Variants in RERG observed in about 807,000 individuals in gnomAD.
The protein encoded by RERG is RAS like estrogen regulated growth inhibitor.
Under a neutral mutation model 23.2 loss-of-function variants are expected in RERG, and 25 were observed. The observed-to-expected ratio is 1.08, with a 90% CI of 0.79 to 1.50. RERG has a LOEUF of 1.50. Ranked by LOEUF, RERG falls within the 40% of genes most tolerant of loss-of-function variation. RERG has a pLI of 0.00. For synonymous variants in RERG, 81 were observed against 89.1 expected, an observed-to-expected ratio of 0.91 and a Z score of 0.51; for missense variants, 253 against 250.1, an observed-to-expected ratio of 1.01 and a Z score of -0.08.
At chr12:15,118,527 T>C (rs915701327) in intron 3 of RERG, among the ~76,000 whole-genome samples, 3 of 152,220 alleles carry the variant, frequency 2.0e-5, no homozygotes, top group Non-Finnish European at 4.4e-5. Context: ...TGATATGGTT[T>C]GGATCTGTGT....
At chr12:15,163,327 C>G (rs1864640980) in intron 2 of RERG, among the ~76,000 whole-genome samples, 3 of 152,168 alleles carry the variant, frequency 2.0e-5, no homozygotes, top group Admixed American at 2.0e-4. Context: ...TTTCCTGGAT[C>G]ATATTTCAAA....
At chr12:15,122,065 T>C (rs1863841977) in intron 2 of RERG, among the ~76,000 whole-genome samples, 1 of 151,972 alleles carries the variant, frequency 6.6e-6, no homozygotes, top group Admixed American at 6.6e-5. Context: ...CACAGGCACT[T>C]AAAAAATGGA....
chr12:15,220,940 C>A (rs915484007), intron 1 of RERG, among the ~76,000 whole-genome samples: 1 of 152,210 alleles, frequency 6.6e-6, no homozygotes, highest in African/African-American at 2.4e-5. Context: ...TTGTGGACTG[C>A]AAGTCACTTG....
chr12:15,181,527 C>T (rs1439122754), intron 2 of RERG, among the ~76,000 whole-genome samples: 1 of 152,208 alleles, frequency 6.6e-6, no homozygotes, highest in East Asian at 1.9e-4. Context: ...TTACTAGTTA[C>T]ATAACCTTGG....
At chr12:15,111,975 C>T (rs1292156958) in intron 3 of RERG, among the ~76,000 whole-genome samples, 1 of 152,128 alleles carries the variant, frequency 6.6e-6, no homozygotes, top group Non-Finnish European at 1.5e-5. Flanking sequence ...CGTGCCTGGC[C>T]CTATCCTTTC....
intron 2 of RERG, among the ~76,000 whole-genome samples, chr12:15,212,864 TTAAAAA>T (rs1474193997): frequency 3.3e-5 from 5 of 152,158 alleles, no homozygotes; most frequent in Admixed American, 1.3e-4. Context: ...CCTGTCCCAC[TTAAAAA>T]TAAGATGAAA....
intron 2 of RERG, among the ~76,000 whole-genome samples, chr12:15,180,448 T>C (rs1864908312): frequency 6.6e-6 from 1 of 152,050 alleles, no homozygotes; most frequent in African/African-American, 2.4e-5. Flanking sequence ...CTACTGGCAA[T>C]GGCTCTGACA....
At chr12:15,204,345 G>A (rs1168551544) in intron 2 of RERG, among the ~76,000 whole-genome samples, 1 of 151,732 alleles carries the variant, frequency 6.6e-6, no homozygotes, top group Non-Finnish European at 1.5e-5. Context: ...AAATGATGTT[G>A]AGAAAACTGA....
At position 15,122,477 on chromosome 12, in the gene RERG, G is replaced by A. The variant is rs183116364; in HGVS notation, c.62-1358C>T. Among the ~76,000 whole-genome samples the A allele has an allele frequency of 1.7e-3, 262 of 152,230 alleles. 6 individuals carry two copies. Among genetic ancestry groups the A allele is most frequent in the African/African-American group, 5.9e-3 (246 of 41,542 alleles). The stretch of plus-strand genomic sequence containing the variant: ...CAACGTGGCTTCTTGACCAGGGGCC[G>A]GAGATGGAAACTACCAATGTTCTTT... On this transcript the variant is annotated intron_variant, in intron 2 of 4. Coordinates refer to ENST00000256953, the MANE Select transcript of RERG (RefSeq NM_032918.3).
chr12:15,208,877 A>G (rs1249909726), intron 2 of RERG, among the ~76,000 whole-genome samples: 1 of 152,140 alleles, frequency 6.6e-6, no homozygotes, highest in Non-Finnish European at 1.5e-5. Flanking sequence ...CTTCTCTGAT[A>G]AGGCGTAAGT....
chr12:15,203,727 A>G (rs1476589627), intron 2 of RERG, among the ~76,000 whole-genome samples: 1 of 151,292 alleles, frequency 6.6e-6, no homozygotes, highest in Non-Finnish European at 1.5e-5. Context: ...GCTGTAGAAT[A>G]CTATTTACAA....
At position 15,125,094 on chromosome 12, in the gene RERG, T is replaced by C. The variant is rs182571267; in HGVS notation, c.62-3975A>G. 1.2e-3 allele frequency among the ~76,000 whole-genome samples: 182 copies of C among 152,138 alleles called. 3 individuals carry two copies. The Middle Eastern group carries it at 0.014, about 11-fold the overall frequency. ...TGCAGTACCTTCACAAAAAAATACATAGTTACCTATAAGTTGTATAATCAC... is the reference window on the plus strand; with the variant it reads ...TGCAGTACCTTCACAAAAAAATACACAGTTACCTATAAGTTGTATAATCAC... On this transcript the variant is annotated intron_variant, in intron 2 of 4. Transcript: ENST00000256953.
intron 2 of RERG, among the ~76,000 whole-genome samples, chr12:15,172,590 T>C (rs995551681): frequency 4.6e-5 from 7 of 152,134 alleles, no homozygotes; most frequent in Admixed American, 1.3e-4. Flanking sequence ...TACATTCCTA[T>C]CAACATTATT....
In RERG at chr12:15,118,703, G is replaced by A. The variant is rs1479029616; in HGVS notation, c.118+2360C>T. Among the ~76,000 whole-genome samples the A allele has an allele frequency of 3.6e-5, 3 of 83,592 alleles. No homozygotes were observed. In the East Asian group the frequency reaches 9.0e-4, roughly 25 times the overall value. The allele number at this position is 83,592 out of a possible 152,430, so 54.8% of individuals were successfully genotyped here. A position where few individuals can be genotyped will look rare whatever the true frequency, so the allele number is the denominator to read the frequency against. On this transcript the variant is annotated intron_variant, in intron 3 of 4. Coordinates refer to ENST00000256953, the MANE Select transcript of RERG (RefSeq NM_032918.3). ...GGATCTGGTTGTTTTAAAGTGTCTGGCATGCCCCCCCCCACCCTCAGTCAT... is the reference window on the plus strand; with the variant it reads ...GGATCTGGTTGTTTTAAAGTGTCTGACATGCCCCCCCCCACCCTCAGTCAT...
chr12:15,186,522 C>A (rs1202607417), intron 2 of RERG, among the ~76,000 whole-genome samples: 3 of 147,970 alleles, frequency 2.0e-5, no homozygotes, highest in Non-Finnish European at 4.5e-5. Context: ...GTCAAAGAGA[C>A]CAGGAAGAAA....
chr12:15,168,710 C>T (rs984073723), intron 2 of RERG, among the ~76,000 whole-genome samples: 1 of 152,172 alleles, frequency 6.6e-6, no homozygotes, highest in Non-Finnish European at 1.5e-5. Context: ...ATGATGACAG[C>T]CCCATATCAA....
In RERG at chr12:15,108,868, G is replaced by A. The variant is rs771093920; in HGVS notation, c.*242C>T. 173 of 398,694 alleles carry A rather than the reference G, an allele frequency of 4.3e-4. 1 individual carries two copies. The highest frequency in any genetic ancestry group is 6.7e-4 in the Non-Finnish European group (152 of 227,590). 24.7% of individuals were successfully genotyped at this position (398,694 alleles called of 1,614,324 possible). On this transcript the variant is annotated 3_prime_UTR_variant, in exon 5 of 5. Transcript: ENST00000256953. ...TAAACCAGTCATTTCAGAATCTCTG[G>A]TGATTACATGTTCAAATGCCATTAG...
intron 2 of RERG, among the ~76,000 whole-genome samples, chr12:15,131,187 T>C (rs772197599): frequency 1.1e-4 from 16 of 152,166 alleles, no homozygotes; most frequent in Non-Finnish European, 1.9e-4. Context: ...GAAAATAAAT[T>C]TGGAATATGG....
chr12:15,210,671 A>T (rs1052497079), intron 2 of RERG, among the ~76,000 whole-genome samples: 24 of 152,194 alleles, frequency 1.6e-4, no homozygotes, highest in Admixed American at 4.6e-4. Flanking sequence ...GATGACTTAA[A>T]AATTGCACAG....
Sources: gnomAD v4.1 joint callset for allele counts (sites outside exome capture counted in the v4.1 genomes callset) on GRCh38, gnomAD v4.1.1 for gene constraint, MANE v1.5 for transcripts, NCBI Gene and HGNC (gene_info 2026-07-23, HGNC 2026-07-21) for gene names.